The following GGT5 variants were observed in gnomAD, a reference collection of about 807,000 sequenced individuals.
GGT5 encodes the protein gamma-glutamyltransferase 5, also known as glutathione hydrolase 5 proenzyme.
In GGT5, 50 loss-of-function variants were observed where a neutral mutation model predicts 58.1. The observed-to-expected ratio is 0.86, with a 90% CI of 0.69 to 1.09. GGT5 has a LOEUF of 1.09. Among genes scored for constraint, GGT5 ranks in the 50% least tolerant of loss-of-function variants. The probability of loss-of-function intolerance (pLI) is 0.00; values close to 1 mark genes in which losing one functional copy is unlikely to be tolerated. For missense variants in GGT5, 800 were observed against 789.4 expected, an observed-to-expected ratio of 1.01 and a Z score of -0.16; for synonymous variants, 370 against 346.1, an observed-to-expected ratio of 1.07 and a Z score of -0.77.
chr22:24,228,048 C>CAAAA lies in GGT5; in HGVS notation c.902-1285_902-1282dup, dbSNP rs1273239063. On this transcript the variant is annotated intron_variant, in intron 6 of 11. Coordinates refer to ENST00000327365, the MANE Select transcript of GGT5 (RefSeq NM_004121.5). ...TAGTAAACAGAGCAAGACTCTGTCTCAAAAAAAAAAAAAAAAAACAAAACA... is the reference window on the plus strand; with the variant it reads ...TAGTAAACAGAGCAAGACTCTGTCTCAAAAAAAAAAAAAAAAAAAAAACAAAACA... 4.9e-3 allele frequency among the ~76,000 whole-genome samples: 107 copies of CAAAA among 21,912 alleles called. 15 individuals carry two copies. The highest frequency in any genetic ancestry group is 0.013 in the African/African-American group (86 of 6,582). 14.4% of individuals were successfully genotyped at this position (21,912 alleles called of 152,430 possible). A position where few individuals can be genotyped will look rare whatever the true frequency, so the allele number is the denominator to read the frequency against.
At position 24,244,542 on chromosome 22, in the gene GGT5, G is replaced by A. The variant is rs201909532; in HGVS notation, c.173+11C>T. 1.9e-5 allele frequency: 30 copies of A among 1,607,428 alleles called. No homozygotes were observed. The highest frequency in any genetic ancestry group is 1.6e-4 in the East Asian group (7 of 44,800). The stretch of plus-strand genomic sequence containing the variant: ...CAAGGGCCACCCAGCTTCCTCCCAC[G>A]TCTCACTCACCGTCCAATATCCGAG... On this transcript the variant is annotated intron_variant, in intron 1 of 11. Transcript: ENST00000327365.
intron 1 of GGT5, among the ~76,000 whole-genome samples, chr22:24,238,783 TATATTATATATTTATATATATATA>T (rs1248313439): frequency 0.1 from 2,488 of 24,564 alleles, 347 homozygotes; most frequent in Admixed American, 0.18. Context: ...ATATATAATA[TATATTATATATTTATATATATATA>T]ATATATTATA....
intron 11 of GGT5, among the ~76,000 whole-genome samples, chr22:24,223,761 TTTTTTTTTTTTTTTTTTTGAGATGGAG>T (rs2047668595): frequency 6.8e-6 from 1 of 147,042 alleles, no homozygotes; most frequent in Non-Finnish European, 1.5e-5. Flanking sequence ...AATCTTTTTT[TTTTTTTTTTTTTTTTTTTGAGATGGAG>T]TTTTGTTCTT....
In GGT5 at chr22:24,226,105, G is replaced by C; in HGVS notation, c.1200C>G (p.Ala400=). The C allele has an allele frequency of 1.2e-6, 2 of 1,603,996 alleles. No homozygotes were observed. Among genetic ancestry groups the C allele is most frequent in the East Asian group, 4.5e-5 (2 of 44,638 alleles). ...TGTTGATGGTGCTGGTGGCAGCCAC[G>C]GCGCTGCCATCCTCCCCCAGCACAG... ...HVSVLGEDGS[A]VAATSTINTP... is the part of the protein sequence containing the mutation. Residue 400 remains alanine (A), a synonymous_variant, in exon 8 of 12, where the codon GCC becomes GCG. Transcript: ENST00000327365.
rs566284576 is a variant in GGT5 at position 24,221,907 on chromosome 22, C to T, written c.1615-1791G>A. ...AAAAACACTGCTCCCTAGCCAGGCG[C>T]GGTGGTCATGCCTGTAATCCCAGCA... is the stretch of plus-strand genomic sequence containing the variant. On this transcript the variant is annotated intron_variant, in intron 11 of 11. Coordinates refer to ENST00000327365, the MANE Select transcript of GGT5 (RefSeq NM_004121.5). 1.2e-3 allele frequency among the ~76,000 whole-genome samples: 175 copies of T among 151,204 alleles called. 4 individuals are homozygous for T. In the South Asian group the frequency reaches 0.035, roughly 30 times the overall value.
intron 4 of GGT5, 136 bp downstream of exon 4, chr22:24,232,687 A>T: frequency 3.8e-6 from 2 of 532,498 alleles, no homozygotes; most frequent in Non-Finnish European, 3.1e-6. Flanking sequence ...CATGAAAAGT[A>T]CTCTTTGTCC....
At position 24,231,376 on chromosome 22, in the gene GGT5, G is replaced by C. The variant is rs947705730; in HGVS notation, c.901+8C>G. ...GGTGGGCGCCAGGGCTCTGGGCAGG[G>C]GCTTTACCTCTTAGCACGTTGAGGA... On this transcript the variant is annotated splice_region_variant and intron_variant, in intron 6 of 11. Transcript: ENST00000327365. 14 of 1,542,002 alleles carry C rather than the reference G, an allele frequency of 9.1e-6. No homozygotes were observed. The highest frequency in any genetic ancestry group is 1.2e-5 in the Non-Finnish European group (14 of 1,142,076).
Position 24,220,047 on chromosome 22 carries a change from G to A in GGT5, c.1684C>T (p.Gln562Ter), listed in dbSNP as rs1169498650. Reference sequence around the variant, plus strand: ...CAGGCCCCCTCCTGGGACACAGCCTGGACCACGTTCAGGAAGAAGGGCCTC... The same window carrying A: ...CAGGCCCCCTCCTGGGACACAGCCTAGACCACGTTCAGGAAGAAGGGCCTC... ...TQRPFFLNVV[Q>*]AVSQEGACVY... Residue 562 changes from glutamine (Q) to a stop codon, truncating the protein, a stop_gained, in exon 12 of 12, where the codon CAG (glutamine) becomes TAG (stop). Transcript: ENST00000327365. LOFTEE classifies it high-confidence loss of function. 6.2e-7 allele frequency: 1 copy of A among 1,613,998 alleles called. No individual in the cohort carries two copies. The highest frequency in any genetic ancestry group is 8.5e-7 in the Non-Finnish European group (1 of 1,179,960).
Position 24,233,033 on chromosome 22 carries a change from C to T in GGT5, c.401-15G>A. On this transcript the variant is annotated splice_polypyrimidine_tract_variant and intron_variant, in intron 3 of 11. Transcript: ENST00000327365. Reference sequence around the variant, plus strand: ...CCACTGGGCCCCTGCATGGCACATCCCAGCTCTCAACCCTGTGGCTTCCAG... The same window carrying T: ...CCACTGGGCCCCTGCATGGCACATCTCAGCTCTCAACCCTGTGGCTTCCAG... 1.3e-6 allele frequency: 2 copies of T among 1,492,036 alleles called. No homozygotes were observed. The highest frequency in any genetic ancestry group is 1.8e-6 in the Non-Finnish European group (2 of 1,114,402). 92.4% of individuals were successfully genotyped at this position (1,492,036 alleles called of 1,614,324 possible). A position where few individuals can be genotyped will look rare whatever the true frequency, so the allele number is the denominator to read the frequency against.
At chr22:24,239,301 T>A (rs1458821683) in intron 1 of GGT5, among the ~76,000 whole-genome samples, 1 of 151,328 alleles carries the variant, frequency 6.6e-6, no homozygotes, top group Non-Finnish European at 1.5e-5. Flanking sequence ...ATTGTGCCAC[T>A]GCACTCCAGC....
At position 24,226,625 on chromosome 22, in the gene GGT5, C is replaced by A. The variant is rs751181830; in HGVS notation, c.1038+6G>T. ...CCCACCAGCCCAGCAACCTCAGCAA[C>A]CTCACCTGGAGCTTCGGGTGGCTTC... On this transcript the variant is annotated splice_donor_region_variant and intron_variant, in intron 7 of 11. Coordinates refer to ENST00000327365, the MANE Select transcript of GGT5 (RefSeq NM_004121.5). 8.1e-6 allele frequency: 13 copies of A among 1,613,760 alleles called. No homozygotes were observed. Among genetic ancestry groups the A allele is most frequent in the South Asian group, 1.1e-5 (1 of 91,066 alleles).
chr22:24,244,376 CCACACT>C, intron 1 of GGT5, 171 bp downstream of exon 1: 2 of 631,326 alleles, frequency 3.2e-6, no homozygotes, highest in South Asian at 1.9e-5. Context: ...CCCACACTCC[CCACACT>C]CACACTCACA....
chr22:24,228,483 C>T (rs1421762702), intron 6 of GGT5, among the ~76,000 whole-genome samples: 2 of 149,344 alleles, frequency 1.3e-5, no homozygotes, highest in Non-Finnish European at 3.0e-5. Flanking sequence ...CAGAGTCTCA[C>T]TCTGTTGCCC....
At chr22:24,244,118 T>C in intron 1 of GGT5, 1 of 166,234 alleles carries the variant, frequency 6.0e-6, no homozygotes, top group Non-Finnish European at 1.3e-5. Flanking sequence ...GCCTCCTGAA[T>C]CCTGGAGCCA....
In GGT5 at chr22:24,238,939, AAT is replaced by A. The variant is rs1244317146; in HGVS notation, c.174-4937_174-4936del. Among the ~76,000 whole-genome samples, 144 of 15,890 alleles carry A rather than the reference AAT, an allele frequency of 9.1e-3. 5 individuals are homozygous for A. The highest frequency in any genetic ancestry group is 0.037 in the South Asian group (24 of 642). 10.4% of individuals were successfully genotyped at this position (15,890 alleles called of 152,430 possible). A position where few individuals can be genotyped will look rare whatever the true frequency, so the allele number is the denominator to read the frequency against. ...ATTATATATATAATATATATTATAT[AAT>A]ATATATATATATATATAATATATAT... On this transcript the variant is annotated intron_variant, in intron 1 of 11. Coordinates refer to ENST00000327365, the MANE Select transcript of GGT5 (RefSeq NM_004121.5).
chr22:24,238,897 ATATATATATTATATATATT>A lies in GGT5; in HGVS notation c.174-4912_174-4894del. 5.6e-4 allele frequency among the ~76,000 whole-genome samples: 7 copies of A among 12,516 alleles called. 1 individual carries two copies. Among genetic ancestry groups the A allele is most frequent in the African/African-American group, 1.9e-3 (5 of 2,644 alleles). 8.2% of individuals were successfully genotyped at this position (12,516 alleles called of 152,430 possible). Reference sequence around the variant, plus strand: ...ATAATATATATTATATATTTTATATATATATATATTATATATATTATATATATAATATATATTATATAAT... The same window carrying A: ...ATAATATATATTATATATTTTATATAATATATATAATATATATTATATAAT... On this transcript the variant is annotated intron_variant, in intron 1 of 11. Transcript: ENST00000327365.
chr22:24,224,501 G>A (rs1015178992), intron 11 of GGT5, among the ~76,000 whole-genome samples: 17 of 149,762 alleles, frequency 1.1e-4, no homozygotes, highest in Admixed American at 2.0e-4. Context: ...CTGGGCAACA[G>A]AGTGAGATGC....
chr22:24,235,630 G>A (rs903855246), intron 1 of GGT5, among the ~76,000 whole-genome samples: 2 of 152,184 alleles, frequency 1.3e-5, no homozygotes, highest in African/African-American at 4.8e-5. Context: ...GCCAGAAAAT[G>A]AAATAAACAA....
intron 6 of GGT5, among the ~76,000 whole-genome samples, chr22:24,228,854 A>T (rs1043837474): frequency 1.3e-5 from 2 of 151,500 alleles, no homozygotes; most frequent in African/African-American, 4.8e-5. Context: ...ACACTTTGGG[A>T]GGCCGAGGCA....
Sources: gnomAD v4.1 joint callset for allele counts (sites outside exome capture counted in the v4.1 genomes callset) on GRCh38, gnomAD v4.1.1 for gene constraint, MANE v1.5 for transcripts, NCBI Gene and HGNC (gene_info 2026-07-23, HGNC 2026-07-21) for gene names.